The following GALNT13 variants were observed in gnomAD, a reference collection of about 807,000 sequenced individuals.
GALNT13 encodes UDP-GalNAc:polypeptide N-acetylgalactosaminyltransferase 13.
A neutral mutation model predicts 64.2 loss-of-function variants in GALNT13; 28 were observed. The ratio of observed to expected loss-of-function variants is 0.44; its 90% CI spans 0.32 to 0.60. The LOEUF (loss-of-function observed/expected upper bound fraction) is 0.60. Ranked by LOEUF, GALNT13 falls within the 20% of genes least tolerant of loss-of-function variation. The probability of loss-of-function intolerance (pLI) is 0.05; values close to 1 mark genes in which losing one functional copy is unlikely to be tolerated. For synonymous variants in GALNT13, 214 were observed against 224.6 expected (o/e 0.95, Z 0.42); for missense variants, 577 against 669.8 (o/e 0.86, Z 1.53).
the GALNT13 span, among the ~76,000 whole-genome samples, chr2:153,221,210 G>T: frequency 2.0e-5 from 3 of 152,168 alleles, no homozygotes; most frequent in Non-Finnish European, 4.4e-5. Context: ...GAACCCGGGA[G>T]GCGGAGGTTG....
intron 7 of GALNT13, among the ~76,000 whole-genome samples, chr2:154,249,499 C>A (rs1023967769): frequency 6.6e-6 from 1 of 152,108 alleles, no homozygotes; most frequent in South Asian, 2.1e-4. Flanking sequence ...TGTAAGTGAA[C>A]CTCAATAAAT....
chr2:154,062,719 C>A (rs867163352), intron 3 of GALNT13, among the ~76,000 whole-genome samples: 2 of 152,160 alleles, frequency 1.3e-5, no homozygotes, highest in African/African-American at 2.4e-5. Context: ...AGCGGAATTA[C>A]AATTCGACAT....
At chr2:153,657,801 A>G in the GALNT13 span, among the ~76,000 whole-genome samples, 1 of 152,170 alleles carries the variant, frequency 6.6e-6, no homozygotes, top group Non-Finnish European at 1.5e-5. Flanking sequence ...GGCAGATTTC[A>G]CTATAATATA....
At chr2:154,037,183 T>A (rs1698708571) in intron 3 of GALNT13, among the ~76,000 whole-genome samples, 1 of 152,098 alleles carries the variant, frequency 6.6e-6, no homozygotes. Flanking sequence ...TCTTGTGGAG[T>A]GTATGCAATA....
intron 3 of GALNT13, among the ~76,000 whole-genome samples, chr2:154,073,406 T>A (rs1268500453): frequency 6.6e-6 from 1 of 151,970 alleles, no homozygotes; most frequent in Non-Finnish European, 1.5e-5. Flanking sequence ...AGTAACTATT[T>A]ATTGCCAATG....
At chr2:153,991,668 T>C (rs1695164179) in intron 3 of GALNT13, among the ~76,000 whole-genome samples, 1 of 152,180 alleles carries the variant, frequency 6.6e-6, no homozygotes, top group South Asian at 2.1e-4. Context: ...AAGCAAATAA[T>C]TACACTGTAT....
rs1696048021 is a variant in GALNT13 at position 154,003,479 on chromosome 2, T to C, written c.142+58840T>C. On this transcript the variant is annotated intron_variant, in intron 3 of 12. Coordinates refer to ENST00000392825, the MANE Select transcript of GALNT13 (RefSeq NM_052917.4). ...TTCTTGTGAACTCAAGGTGGCATTC[T>C]TGCCTTTGAATACTTTCTAGGTGTA... 3.9e-5 allele frequency among the ~76,000 whole-genome samples: 6 copies of C among 152,348 alleles called. No individual in the cohort carries two copies. The South Asian group carries it at 1.2e-3, about 32-fold the overall frequency.
At chr2:154,185,979 A>G (rs1208408418) in intron 4 of GALNT13, among the ~76,000 whole-genome samples, 1 of 152,090 alleles carries the variant, frequency 6.6e-6, no homozygotes, top group East Asian at 1.9e-4. Context: ...TCTTCCAAAT[A>G]TAGCATATTT....
the GALNT13 span, among the ~76,000 whole-genome samples, chr2:153,819,370 C>A: frequency 6.6e-6 from 1 of 152,108 alleles, no homozygotes; most frequent in Non-Finnish European, 1.5e-5. Context: ...GAGTCACAAG[C>A]CCTGGAACAA....
chr2:154,419,094 G>C (rs1341821380), intron 11 of GALNT13, among the ~76,000 whole-genome samples: 2 of 152,042 alleles, frequency 1.3e-5, no homozygotes, highest in African/African-American at 2.4e-5. Flanking sequence ...GGCTCCTTCT[G>C]TTAATAAATC....
chr2:153,792,038 G>A, the GALNT13 span, among the ~76,000 whole-genome samples: 4 of 151,868 alleles, frequency 2.6e-5, no homozygotes, highest in East Asian at 5.8e-4. Flanking sequence ...TATAACAAAC[G>A]TACACATGTA....
the GALNT13 span, among the ~76,000 whole-genome samples, chr2:153,222,978 G>C: frequency 1.3e-5 from 2 of 152,234 alleles, no homozygotes; most frequent in Non-Finnish European, 1.5e-5. Flanking sequence ...CTCGGTGAGG[G>C]GGGTGTGACT....
the GALNT13 span, among the ~76,000 whole-genome samples, chr2:153,412,716 G>T: frequency 7.2e-5 from 11 of 152,154 alleles, no homozygotes; most frequent in African/African-American, 2.7e-4. Context: ...TTTGTTCAAA[G>T]AACACCCAGG....
chr2:153,658,485 A>G, the GALNT13 span, among the ~76,000 whole-genome samples: 27 of 152,234 alleles, frequency 1.8e-4, no homozygotes, highest in Non-Finnish European at 3.5e-4. Context: ...CCCCAACTAT[A>G]GCAGGGTCTT....
chr2:153,803,142 C>G, the GALNT13 span, among the ~76,000 whole-genome samples: 25 of 152,302 alleles, frequency 1.6e-4, no homozygotes, highest in African/African-American at 5.3e-4. Context: ...GTGTTCCCCT[C>G]AGGACCACAG....
At chr2:153,861,559 CTTTTTTT>C in the GALNT13 span, among the ~76,000 whole-genome samples, 24 of 118,194 alleles carry the variant, frequency 2.0e-4, no homozygotes, top group East Asian at 2.1e-3. Flanking sequence ...TTCTTTCTTT[CTTTTTTT>C]TTTTTTTTTT....
rs573454731 is a variant in GALNT13 at position 153,914,270 on chromosome 2, G to C, written c.-105+13263G>C. On this transcript the variant is annotated intron_variant, in intron 2 of 12. Coordinates refer to ENST00000392825, the MANE Select transcript of GALNT13 (RefSeq NM_052917.4). ...TTACTGTTAAGAATGATGTCCTTGAGGTCAGGAGTTCGAGACCAGTCTGGC... is the reference window on the plus strand; with the variant it reads ...TTACTGTTAAGAATGATGTCCTTGACGTCAGGAGTTCGAGACCAGTCTGGC... Among the ~76,000 whole-genome samples, 3 of 152,172 alleles carry C rather than the reference G, an allele frequency of 2.0e-5. No homozygotes were observed. The South Asian group carries it at 6.2e-4, about 32-fold the overall frequency.
chr2:153,517,496 T>A, the GALNT13 span, among the ~76,000 whole-genome samples: 1 of 152,142 alleles, frequency 6.6e-6, no homozygotes, highest in Non-Finnish European at 1.5e-5. Context: ...GAGAGAGGTT[T>A]GTCAGAGAAA....
Position 154,450,521 on chromosome 2 carries a change from G to C in GALNT13, c.1641G>C (p.Trp547Cys). The C allele has an allele frequency of 1.2e-6, 2 of 1,611,470 alleles. No individual in the cohort carries two copies. The highest frequency in any genetic ancestry group is 1.7e-4 in the Middle Eastern group (1 of 6,048). ...QDCSGSRSQQWLLRNMTLGT is the reference protein window; with the variant it reads ...QDCSGSRSQQCLLRNMTLGT The stretch of plus-strand genomic sequence containing the variant: ...GTAGTGGAAGCAGATCCCAACAGTG[G>C]CTGCTAAGGAACATGACCTTGGGCA... Residue 547 changes from tryptophan (W) to cysteine (C), a missense_variant, in exon 13 of 13, where the codon TGG becomes TGC. By Grantham distance (215) the Trp-to-Cys change is radical (BLOSUM62 -2). This residue lies in a region of GALNT13 where 232 missense variants were observed against 270.6 expected (regional missense o/e 0.86). Coordinates refer to ENST00000392825, the MANE Select transcript of GALNT13 (RefSeq NM_052917.4).
Sources: gnomAD v4.1 joint callset for allele counts (sites outside exome capture counted in the v4.1 genomes callset) on GRCh38, gnomAD v4.1.1 for gene constraint, gnomAD v4.1.1 regional missense constraint, MANE v1.5 for transcripts, NCBI Gene and HGNC (gene_info 2026-07-23, HGNC 2026-07-21) for gene names.